Variants in KCNN2 observed in about 807,000 individuals in gnomAD.
KCNN2 encodes small conductance calcium-activated potassium channel protein 2.
KCNN2 carries 24 observed loss-of-function variants against 55.5 expected under a neutral mutation model. The observed-to-expected ratio is 0.43, with a 90% confidence interval of 0.31 to 0.61. The LOEUF (loss-of-function observed/expected upper bound fraction) is 0.61. KCNN2 is among the 20% of genes least tolerant of loss of function. The probability of loss-of-function intolerance (pLI) is 0.08; values close to 1 mark genes in which losing one functional copy is unlikely to be tolerated. For missense variants in KCNN2, 754 were observed against 853.6 expected, an observed-to-expected ratio of 0.88 and a Z score of 1.45; for synonymous variants, 431 against 336.1, an observed-to-expected ratio of 1.28 and a Z score of -3.09.
intron 1 of KCNN2, among the ~76,000 whole-genome samples, chr5:114,163,391 T>A (rs1752837195): frequency 6.6e-6 from 1 of 152,192 alleles, no homozygotes; most frequent in South Asian, 2.1e-4. Flanking sequence ...TGATTCCAGC[T>A]TTTGTCTATT....
At chr5:114,178,778 T>A (rs990154582) in intron 1 of KCNN2, among the ~76,000 whole-genome samples, 7 of 152,222 alleles carry the variant, frequency 4.6e-5, no homozygotes, top group African/African-American at 1.7e-4. Flanking sequence ...GTTTCATTTG[T>A]CATTTTGCTA....
At chr5:114,154,821 A>T (rs1752597204) in intron 1 of KCNN2, among the ~76,000 whole-genome samples, 1 of 152,080 alleles carries the variant, frequency 6.6e-6, no homozygotes, top group African/African-American at 2.4e-5. Context: ...TGATCAGACA[A>T]TGGCTATATT....
At chr5:114,484,606 C>CTGTTCCTTTTCAACCCTA (rs1316269555) in intron 5 of KCNN2, among the ~76,000 whole-genome samples, 1 of 152,170 alleles carries the variant, frequency 6.6e-6, no homozygotes, top group Non-Finnish European at 1.5e-5. Flanking sequence ...TCACTGTCCT[C>CTGTTCCTTTTCAACCCTA]TGTTCCTTTT....
intron 2 of KCNN2, among the ~76,000 whole-genome samples, chr5:114,252,677 C>A (rs1023677749): frequency 6.6e-6 from 1 of 152,020 alleles, no homozygotes; most frequent in Admixed American, 6.6e-5. Context: ...CCCCCACCCC[C>A]CAACCTCTGC....
chr5:114,411,718 C>A (rs1759140976), intron 3 of KCNN2, among the ~76,000 whole-genome samples: 1 of 152,046 alleles, frequency 6.6e-6, no homozygotes, highest in Admixed American at 6.6e-5. Context: ...CTTTTTTGTC[C>A]TGTCCTAGCC....
intron 1 of KCNN2, among the ~76,000 whole-genome samples, chr5:114,096,557 G>C (rs752482403): frequency 6.6e-6 from 1 of 152,050 alleles, no homozygotes. Flanking sequence ...AGGCGCTATG[G>C]TGCAGAATCC....
chr5:114,120,783 T>C (rs545941665), intron 1 of KCNN2, among the ~76,000 whole-genome samples: 3 of 152,324 alleles, frequency 2.0e-5, no homozygotes, highest in African/African-American at 7.2e-5. Flanking sequence ...TTATTCAGAT[T>C]GTGGAACACT....
At chr5:114,097,022 G>A (rs1357559012) in intron 1 of KCNN2, among the ~76,000 whole-genome samples, 1 of 152,120 alleles carries the variant, frequency 6.6e-6, no homozygotes, top group Non-Finnish European at 1.5e-5. Flanking sequence ...AAGTAAAGGA[G>A]CAGAGATTTG....
intron 3 of KCNN2, among the ~76,000 whole-genome samples, chr5:114,419,647 C>A (rs1158106021): frequency 6.6e-6 from 1 of 152,160 alleles, no homozygotes; most frequent in South Asian, 2.1e-4. Flanking sequence ...GTCTTTCTGA[C>A]TAGTACTAGC....
intron 1 of KCNN2, among the ~76,000 whole-genome samples, chr5:114,106,581 G>C (rs1204673686): frequency 7.1e-6 from 1 of 140,504 alleles, no homozygotes; most frequent in Non-Finnish European, 1.5e-5. Flanking sequence ...TGGATATCAT[G>C]TTTTGTTGTT....
chr5:114,360,631 C>T (rs1207668222), upstream of KCNN2, among the ~76,000 whole-genome samples: 3 of 152,190 alleles, frequency 2.0e-5, no homozygotes, highest in African/African-American at 7.2e-5. Context: ...TCACCTAGTG[C>T]ATTGTGTTGG....
At chr5:114,329,432 T>A (rs930846297) in intron 2 of KCNN2, among the ~76,000 whole-genome samples, 1 of 152,210 alleles carries the variant, frequency 6.6e-6, no homozygotes, top group Non-Finnish European at 1.5e-5. Context: ...AGGATTTGAC[T>A]TGCTGAGTCT....
At chr5:114,297,017 G>C (rs1270380043) in intron 2 of KCNN2, among the ~76,000 whole-genome samples, 1 of 152,094 alleles carries the variant, frequency 6.6e-6, no homozygotes, top group African/African-American at 2.4e-5. Flanking sequence ...ATTGATGAAA[G>C]AATTAATATT....
intron 2 of KCNN2, among the ~76,000 whole-genome samples, chr5:114,231,508 G>T (rs1017058426): frequency 6.6e-6 from 1 of 150,704 alleles, no homozygotes; most frequent in South Asian, 2.1e-4. Context: ...CATATGGCTA[G>T]CCAGTTTTCT....
At chr5:114,378,612 T>C (rs57553698) in intron 2 of KCNN2, among the ~76,000 whole-genome samples, 2 of 152,254 alleles carry the variant, frequency 1.3e-5, no homozygotes, top group East Asian at 3.9e-4. Flanking sequence ...GTTTACATCA[T>C]CACATGCAAG....
intron 2 of KCNN2, among the ~76,000 whole-genome samples, chr5:114,234,674 C>T (rs542509352): frequency 7.9e-5 from 12 of 152,016 alleles, no homozygotes; most frequent in African/African-American, 2.7e-4. Flanking sequence ...TGTGTGTAAA[C>T]GGGAGGTGGA....
intron 2 of KCNN2, among the ~76,000 whole-genome samples, chr5:114,314,974 ACACAGAGGTTTGATTGCTGCCTCCTCATC>A (rs1337734466): frequency 1.3e-5 from 2 of 152,144 alleles, no homozygotes; most frequent in Non-Finnish European, 2.9e-5. Context: ...TCTAACAAGA[ACACAGAGGTTTGATTGCTGCCTCCTCATC>A]CACAGCTGAG....
At chr5:114,266,453 G>A (rs1755209035) in intron 2 of KCNN2, among the ~76,000 whole-genome samples, 1 of 152,184 alleles carries the variant, frequency 6.6e-6, no homozygotes, top group Non-Finnish European at 1.5e-5. Context: ...GTCAGGACAA[G>A]CTGCTTGGGA....
At chr5:114,334,572 C>T (rs1400026138) in intron 2 of KCNN2, among the ~76,000 whole-genome samples, 2 of 152,056 alleles carry the variant, frequency 1.3e-5, no homozygotes, top group East Asian at 3.9e-4. Flanking sequence ...ATCATTTTAT[C>T]ATGACTTTCA....
Sources: allele counts gnomAD v4.1 joint callset (sites outside exome capture counted in the v4.1 genomes callset), GRCh38; gene constraint gnomAD v4.1.1; transcripts MANE v1.5; gene names NCBI Gene and HGNC (gene_info 2026-07-23, HGNC 2026-07-21).